Variants in EP400 observed in about 807,000 individuals in gnomAD.
EP400 encodes the protein E1A-binding protein p400.
A neutral mutation model predicts 354.1 loss-of-function variants in EP400; 105 were observed. That is an observed-to-expected ratio of 0.30 (90% CI 0.25 to 0.35). EP400 has a LOEUF of 0.35. Among genes scored for constraint, EP400 ranks in the 10% least tolerant of loss-of-function variants. EP400 has a pLI of 1.00. For missense variants in EP400, 3,280 were observed against 4,121.0 expected (o/e 0.80, Z 5.59); for synonymous variants, 1,646 against 1,716.9 (o/e 0.96, Z 1.02).
At chr12:132,004,974 C>A in intron 12 of EP400, 103 bp from the exon 13 acceptor site, 1 of 809,596 alleles carries the variant, frequency 1.2e-6, no homozygotes, top group Non-Finnish European at 2.1e-6. Context: ...AGAGGGAGCC[C>A]CTTGCCCTTC....
intron 3 of EP400, among the ~76,000 whole-genome samples, 186 bp downstream of exon 3, chr12:131,979,979 G>A (rs1006286656): frequency 6.6e-6 from 1 of 152,234 alleles, no homozygotes; most frequent in Non-Finnish European, 1.5e-5. Context: ...GTCCTGAAGT[G>A]AGGAATTTTT....
At position 132,011,785 on chromosome 12, in the gene EP400, C is replaced by T. The variant is rs938437029; in HGVS notation, c.3441+151C>T. The T allele has an allele frequency of 4.2e-5, 46 of 1,104,596 alleles. No individual in the cohort carries two copies. In the Middle Eastern group the frequency reaches 9.2e-4, roughly 22 times the overall value. 68.4% of individuals were successfully genotyped at this position (1,104,596 alleles called of 1,614,324 possible). ...TAACAGACCTTTATGTTGTTCCCCT[C>T]GAAAGCATAGACAATACCGCATCGG... On this transcript the variant is annotated intron_variant, in intron 16 of 52. Coordinates refer to ENST00000389561, the MANE Select transcript of EP400 (RefSeq NM_015409.5).
In EP400 at chr12:132,005,179, A is replaced by G. The variant is rs975417468; in HGVS notation, c.2930A>G (p.Glu977Gly). The G allele has an allele frequency of 5.1e-6, 8 of 1,570,758 alleles. No individual in the cohort carries two copies. The African/African-American group carries it at 5.4e-5, about 11-fold the overall frequency. Residue 977 changes from glutamate to glycine, a missense_variant, in exon 13 of 53, where the codon GAG (glutamate) becomes GGG (glycine). Glu to Gly is a moderately conservative substitution (Grantham distance 98, BLOSUM62 -2). Transcript: ENST00000389561. Reference protein sequence around the residue: ...PKPDGEDTSGEEDADDCPGDR... With the variant: ...PKPDGEDTSGGEDADDCPGDR... ...CCTGATGGGGAGGACACAAGCGGAG[A>G]GGAAGGTGCGCTCCCAGCCTTTGGA...
chr12:132,020,178 G>C lies in EP400; in HGVS notation c.4407G>C (p.Arg1469=). The change falls in exon 22 of 53, where the codon CGG becomes CGC. Residue 1469 remains arginine, a synonymous_variant. Coordinates refer to ENST00000389561, the MANE Select transcript of EP400 (RefSeq NM_015409.5). ...CTCCACAGGGCCCGCTTCGAGGACGGCCGCCCATCGCCACGTTCTCTGCCA... is the reference window on the plus strand; with the variant it reads ...CTCCACAGGGCCCGCTTCGAGGACGCCCGCCCATCGCCACGTTCTCTGCCA... ...SAAPQGPLRG[R]PPIATFSANP... is the part of the protein sequence containing the mutation. The C allele has an allele frequency of 6.2e-7, 1 of 1,610,044 alleles. No individual in the cohort carries two copies. The highest frequency in any genetic ancestry group is 1.1e-5 in the South Asian group (1 of 90,102).
At chr12:132,023,299 ATTTTTTTTTTTTTTT>A (rs767816284) in intron 23 of EP400, among the ~76,000 whole-genome samples, 1 of 71,078 alleles carries the variant, frequency 1.4e-5, no homozygotes, top group African/African-American at 8.3e-5. Flanking sequence ...TGCCCAGCTA[ATTTTTTTTTTTTTTT>A]TTTTTTTTTT....
chr12:132,018,109 TG>T lies in EP400; in HGVS notation c.4111-99del. The T allele has an allele frequency of 6.8e-7, 1 of 1,478,994 alleles. No individual in the cohort carries two copies. Among genetic ancestry groups the T allele is most frequent in the Non-Finnish European group, 9.2e-7 (1 of 1,085,288 alleles). The allele number at this position is 1,478,994 out of a possible 1,614,324, so 91.6% of individuals were successfully genotyped here. A position where few individuals can be genotyped will look rare whatever the true frequency, so the allele number is the denominator to read the frequency against. On this transcript the variant is annotated intron_variant, in intron 20 of 52. Transcript: ENST00000389561. The surrounding 1 kb of genome is among the most constrained non-coding windows in gnomAD (Gnocchi z 4.0). ...GAGTGGCCGTTAGAGGGGGCGCGTC[TG>T]GATGCCCACGTTAGGGCCCTGCCAT...
chr12:131,977,374 C>A (rs914303009), intron 2 of EP400, among the ~76,000 whole-genome samples: 1 of 151,140 alleles, frequency 6.6e-6, no homozygotes, highest in African/African-American at 2.4e-5. Flanking sequence ...CCCTTGTGAT[C>A]CACCCACCTC....
At position 132,050,887 on chromosome 12, in the gene EP400, C is replaced by T. The variant is rs574681563; in HGVS notation, c.7394+232C>T. 79 of 591,002 alleles carry T rather than the reference C, an allele frequency of 1.3e-4. No homozygotes were observed. In the African/African-American group the frequency reaches 1.3e-3, roughly 10 times the overall value. 36.6% of individuals were successfully genotyped at this position (591,002 alleles called of 1,614,324 possible). ...GTTACAGGGATTGTCCTTGCTGGCCCTCAGTGGGGAAAGACGCTGACAGAT... is the reference window on the plus strand; with the variant it reads ...GTTACAGGGATTGTCCTTGCTGGCCTTCAGTGGGGAAAGACGCTGACAGAT... On this transcript the variant is annotated intron_variant, in intron 41 of 52. Transcript: ENST00000389561. The surrounding 1 kb of genome is among the most constrained non-coding windows in gnomAD (Gnocchi z 4.8).
At chr12:131,989,392 G>A (rs548768148) in intron 7 of EP400, among the ~76,000 whole-genome samples, 6 of 152,344 alleles carry the variant, frequency 3.9e-5, no homozygotes, top group East Asian at 1.9e-4. Flanking sequence ...GAGTCCTGGC[G>A]GTAGTTGAGT....
rs1178613117 is a variant in EP400 at position 132,069,515 on chromosome 12, C to A, written c.8895C>A (p.Thr2965=). Residue 2965 remains threonine, a synonymous_variant, in exon 51 of 53, where the codon ACC becomes ACA. Coordinates refer to ENST00000389561, the MANE Select transcript of EP400 (RefSeq NM_015409.5). ...CCCAGATCACCGCACAGCAGATCAC[C>A]ACCCCTGGCGCGCAGCAGAAGGTTG... The part of the protein sequence containing the change: ...VQQKITAQQI[T]TPGAQQKVAY... 6.2e-7 allele frequency: 1 copy of A among 1,614,178 alleles called. No individual in the cohort carries two copies. Among genetic ancestry groups the A allele is most frequent in the Non-Finnish European group, 8.5e-7 (1 of 1,180,006 alleles).
Position 132,048,845 on chromosome 12 carries a change from T to C in EP400, c.7201-1478T>C, listed in dbSNP as rs150016247. Among the ~76,000 whole-genome samples, 1,087 of 152,338 alleles carry C rather than the reference T, an allele frequency of 7.1e-3. 34 individuals are homozygous for C. In the South Asian group the frequency reaches 0.093, roughly 13 times the overall value. On this transcript the variant is annotated intron_variant, in intron 39 of 52. Coordinates refer to ENST00000389561, the MANE Select transcript of EP400 (RefSeq NM_015409.5). Reference sequence around the variant, plus strand: ...GATTACAGGCATGAACCACCAGCCCTGGCTGTGGGTGATGTTCTGAATAAG... The same window carrying C: ...GATTACAGGCATGAACCACCAGCCCCGGCTGTGGGTGATGTTCTGAATAAG...
chr12:132,058,692 C>A (rs1292047777), intron 45 of EP400, among the ~76,000 whole-genome samples: 1 of 151,966 alleles, frequency 6.6e-6, no homozygotes, highest in African/African-American at 2.4e-5. Flanking sequence ...GAGCCCTTAA[C>A]GGTCTTAGAG....
rs1896222198 is a variant in EP400, at chr12:132,075,934, T to G, written c.9022-582T>G. On this transcript the variant is annotated intron_variant, in intron 51 of 52. Coordinates refer to ENST00000389561, the MANE Select transcript of EP400 (RefSeq NM_015409.5). The surrounding 1 kb of genome is among the most constrained non-coding windows in gnomAD (Gnocchi z 4.5). The stretch of plus-strand genomic sequence containing the variant: ...AGGTGGCCCAGAGCCTCTTACTACG[T>G]CAAGACAGCGGGAGATGCATGCAGT... 5.5e-6 allele frequency: 1 copy of G among 183,296 alleles called. No individual in the cohort carries two copies. Among genetic ancestry groups the G allele is most frequent in the Non-Finnish European group, 1.2e-5 (1 of 85,754 alleles). 11.4% of individuals were successfully genotyped at this position (183,296 alleles called of 1,614,324 possible). A position where few individuals can be genotyped will look rare whatever the true frequency, so the allele number is the denominator to read the frequency against.
intron 45 of EP400, among the ~76,000 whole-genome samples, chr12:132,057,761 C>T (rs555869685): frequency 3.7e-4 from 57 of 152,314 alleles, no homozygotes; most frequent in South Asian, 3.5e-3. Flanking sequence ...AGGCCTGAGG[C>T]GTTTGGAACA....
Position 132,065,146 on chromosome 12 carries a change from G to C in EP400, c.8553+260G>C, listed in dbSNP as rs1050109468. 54 of 630,420 alleles carry C rather than the reference G, an allele frequency of 8.6e-5. 1 individual carries two copies. In the East Asian group the frequency reaches 1.5e-3, roughly 17 times the overall value. The allele number at this position is 630,420 out of a possible 1,614,324, so 39.1% of individuals were successfully genotyped here. On this transcript the variant is annotated intron_variant, in intron 48 of 52. Transcript: ENST00000389561. ...ATTGAGGGGGGTGGAGAGTGAGCGA[G>C]GTGAGATGCAGCCTGCGTGGCTTCC...
intron 4 of EP400, 89 bp from the exon 5 acceptor site, chr12:131,982,004 T>C (rs2136491841): frequency 6.8e-7 from 1 of 1,462,432 alleles, no homozygotes; most frequent in Non-Finnish European, 9.1e-7. Context: ...GGACAAGCAC[T>C]GGGGTGTTAG....
At chr12:131,963,479 TG>T in intron 2 of EP400, 1 of 1,348,430 alleles carries the variant, frequency 7.4e-7, no homozygotes, top group Non-Finnish European at 1.0e-6. Flanking sequence ...AACAAAATTT[TG>T]AGCAGTTGTA....
chr12:131,984,943 A>G (rs948507252), intron 5 of EP400, among the ~76,000 whole-genome samples: 2 of 152,162 alleles, frequency 1.3e-5, no homozygotes, highest in African/African-American at 4.8e-5. Flanking sequence ...TCTCCTTAAG[A>G]ACAACAGTAG....
chr12:132,058,353 A>ATTTTTT (rs60226464), intron 45 of EP400, among the ~76,000 whole-genome samples: 1 of 129,562 alleles, frequency 7.7e-6, no homozygotes, highest in African/African-American at 3.0e-5. Context: ...TAAAGATTGG[A>ATTTTTT]TTTTTTTTTT....
Sources: gnomAD v4.1 joint callset for allele counts (sites outside exome capture counted in the v4.1 genomes callset) on GRCh38, gnomAD v4.1.1 for gene constraint, Gnocchi (gnomAD v3.1) non-coding constraint, MANE v1.5 for transcripts, NCBI Gene and HGNC (gene_info 2026-07-23, HGNC 2026-07-21) for gene names.